GGACT: variants seen among roughly 807,000 people sequenced by gnomAD.
GGACT encodes gamma-glutamylamine cyclotransferase.
For missense variants in GGACT, 241 were observed against 233.2 expected, an observed-to-expected ratio of 1.03 and a Z score of -0.22; for synonymous variants, 118 against 115.3, an observed-to-expected ratio of 1.02 and a Z score of -0.15.
At chr13:100,548,329 A>G (rs2088627505) in intron 2 of GGACT, among the ~76,000 whole-genome samples, 1 of 152,272 alleles carries the variant, frequency 6.6e-6, no homozygotes, top group East Asian at 1.9e-4. Context: ...GGTTGTATTG[A>G]TGAACATAGT....
At chr13:100,546,361 C>CAAA (rs778470021) in intron 2 of GGACT, among the ~76,000 whole-genome samples, 1,071 of 54,516 alleles carry the variant, frequency 0.02, 51 homozygotes, top group African/African-American at 0.073. Context: ...GACTCTGTCT[C>CAAA]AAAAAAAAAA....
intron 2 of GGACT, chr13:100,537,773 G>A (rs1462821378): frequency 1.3e-5 from 2 of 152,300 alleles, no homozygotes; most frequent in Non-Finnish European, 2.9e-5. Context: ...ATGGAAAGAA[G>A]TGAGAACAGT....
chr13:100,540,352 G>C (rs2153012873), intron 2 of GGACT: 1 of 671,934 alleles, frequency 1.5e-6, no homozygotes, highest in East Asian at 2.6e-5. Flanking sequence ...AGTCTCAGTA[G>C]GTTGTGTCTT....
At chr13:100,543,632 T>TG (rs1363471361) in intron 2 of GGACT, among the ~76,000 whole-genome samples, 1 of 152,246 alleles carries the variant, frequency 6.6e-6, no homozygotes, top group Non-Finnish European at 1.5e-5. Flanking sequence ...TCAAAGCATC[T>TG]GTTTTCTCCA....
chr13:100,539,716 T>C (rs894419378), intron 2 of GGACT: 14 of 605,130 alleles, frequency 2.3e-5, no homozygotes, highest in Non-Finnish European at 3.8e-5. Flanking sequence ...AACACTGAAA[T>C]GTTCCTTCTT....
intron 2 of GGACT, among the ~76,000 whole-genome samples, chr13:100,577,373 G>A (rs1402769519): frequency 1.3e-5 from 2 of 150,274 alleles, no homozygotes; most frequent in Non-Finnish European, 2.9e-5. Flanking sequence ...CCAGGATCAC[G>A]CCATTGCACC....
At chr13:100,570,309 G>A (rs1875042532) in intron 2 of GGACT, among the ~76,000 whole-genome samples, 2 of 152,150 alleles carry the variant, frequency 1.3e-5, no homozygotes, top group Non-Finnish European at 2.9e-5. Context: ...ATCGACTCGT[G>A]TTCAGCATAG....
intron 2 of GGACT, among the ~76,000 whole-genome samples, chr13:100,551,443 C>T (rs2088663605): frequency 6.6e-6 from 1 of 152,210 alleles, no homozygotes; most frequent in Non-Finnish European, 1.5e-5. Context: ...CTCTTCCCAC[C>T]TGCCAGAACT....
At chr13:100,561,655 G>C (rs1341923076) in intron 2 of GGACT, among the ~76,000 whole-genome samples, 1 of 152,224 alleles carries the variant, frequency 6.6e-6, no homozygotes, top group Non-Finnish European at 1.5e-5. Context: ...TTCAGAAGAT[G>C]TGTGCAGCAG....
chr13:100,539,712 G>A, intron 2 of GGACT: 3 of 603,896 alleles, frequency 5.0e-6, no homozygotes, highest in Non-Finnish European at 8.7e-6. Flanking sequence ...GCTCAACACT[G>A]AAATGTTCCT....
At chr13:100,567,060 C>G (rs1709949790) in intron 2 of GGACT, among the ~76,000 whole-genome samples, 1 of 152,200 alleles carries the variant, frequency 6.6e-6, no homozygotes, top group Non-Finnish European at 1.5e-5. Context: ...ATATCTTGAG[C>G]AGGAATCTTT....
intron 1 of GGACT, among the ~76,000 whole-genome samples, chr13:100,587,689 C>T (rs557171797): frequency 6.6e-6 from 1 of 152,314 alleles, no homozygotes; most frequent in South Asian, 2.1e-4. Context: ...TTTCATTAAT[C>T]ATTTCTCCTG....
chr13:100,539,187 G>A (rs2057883332), intron 2 of GGACT: 1 of 152,194 alleles, frequency 6.6e-6, no homozygotes, highest in African/African-American at 2.4e-5. Flanking sequence ...TGACTTGGAT[G>A]CCTTTTAAAT....
chr13:100,570,988 T>TA (rs1875066415), intron 2 of GGACT, among the ~76,000 whole-genome samples: 1 of 151,564 alleles, frequency 6.6e-6, no homozygotes, highest in Admixed American at 6.6e-5. Flanking sequence ...AACGACCCCC[T>TA]ATGAGGACAG....
chr13:100,566,603 G>C (rs746059342), intron 2 of GGACT, among the ~76,000 whole-genome samples: 1 of 151,412 alleles, frequency 6.6e-6, no homozygotes, highest in Non-Finnish European at 1.5e-5. Flanking sequence ...CCGGGCACCA[G>C]CAACTCATGC....
At chr13:100,569,140 C>T (rs970416262) in intron 2 of GGACT, among the ~76,000 whole-genome samples, 1 of 152,250 alleles carries the variant, frequency 6.6e-6, no homozygotes, top group Non-Finnish European at 1.5e-5. Flanking sequence ...GGTTCCACCA[C>T]TCTGGAGTGT....
chr13:100,577,045 G>A (rs987795925), intron 2 of GGACT, among the ~76,000 whole-genome samples: 8 of 152,126 alleles, frequency 5.3e-5, no homozygotes, highest in African/African-American at 1.9e-4. Context: ...TTTTAAAAGA[G>A]ACAAGAGATA....
In GGACT at chr13:100,577,450, T is replaced by TAAATAAATAAAA. The variant is rs1363232308; in HGVS notation, c.-11+6374_-11+6375insTTTTATTTATTT. Reference sequence around the variant, plus strand: ...ATAAATAAATAAATAAATAAATAAATAAAAAGAAAAAGAAAGGAAATTGGG... The same window carrying TAAATAAATAAAA: ...ATAAATAAATAAATAAATAAATAAATAAATAAATAAAAAAAAAGAAAAAGAAAGGAAATTGGG... On this transcript the variant is annotated intron_variant, in intron 2 of 2. Transcript: ENST00000683975. 1.5e-4 allele frequency among the ~76,000 whole-genome samples: 23 copies of TAAATAAATAAAA among 148,606 alleles called. No individual in the cohort carries two copies. The South Asian group carries it at 2.1e-3, about 14-fold the overall frequency.
chr13:100,564,469 A>T (rs1026096036), intron 2 of GGACT, among the ~76,000 whole-genome samples: 280 of 152,286 alleles, frequency 1.8e-3, no homozygotes, highest in Non-Finnish European at 2.8e-3. Flanking sequence ...CATCTTTTTT[A>T]AAAAAATTAT....
Sources: allele counts gnomAD v4.1 joint callset (sites outside exome capture counted in the v4.1 genomes callset), GRCh38; gene constraint gnomAD v4.1.1; transcripts MANE v1.5; gene names NCBI Gene and HGNC (gene_info 2026-07-23, HGNC 2026-07-21).